The following USP36 variants were observed in gnomAD, a reference collection of about 807,000 sequenced individuals.
The protein encoded by USP36 is ubiquitin specific peptidase 36, also known as ubiquitin carboxyl-terminal hydrolase 36.
Under a neutral mutation model 111.5 loss-of-function variants are expected in USP36, and 59 were observed. That is an observed-to-expected ratio of 0.53 (90% CI 0.43 to 0.66). The LOEUF is 0.66. Among genes scored for constraint, USP36 ranks in the 30% least tolerant of loss-of-function variants. The pLI, the probability that USP36 is intolerant of heterozygous loss-of-function variation, is 0.00. For synonymous variants in USP36, 628 were observed against 581.0 expected, an observed-to-expected ratio of 1.08 and a Z score of -1.16; for missense variants, 1,488 against 1,468.0, an observed-to-expected ratio of 1.01 and a Z score of -0.22.
chr17:78,818,526 C>A, intron 10 of USP36, 141 bp downstream of exon 10: 1 of 707,952 alleles, frequency 1.4e-6, no homozygotes, highest in South Asian at 1.9e-5. Flanking sequence ...CCCTACTTCA[C>A]AATATGTGTA....
At chr17:78,828,865 T>C (rs1200622208) in intron 5 of USP36, 32 bp downstream of exon 5, 12 of 1,603,534 alleles carry the variant, frequency 7.5e-6, no homozygotes, top group Non-Finnish European at 8.5e-6. Context: ...AATAAATAAA[T>C]CACAAAAATT....
In USP36 at chr17:78,807,153, T is replaced by G. The variant is rs112843316; in HGVS notation, c.1891A>C (p.Arg631=). The G allele has an allele frequency of 7.4e-6, 12 of 1,614,202 alleles. 1 individual carries two copies. The African/African-American group carries it at 1.1e-4, about 14-fold the overall frequency. The stretch of plus-strand genomic sequence containing the variant: ...TCGCAGAGATGGGCCGCTCCACTCC[T>G]GGGGGTCTGGGGGGCCTTGGTGGAG... The part of the protein sequence containing the change: ...SDSTKAPQTP[R]SGAAHLCDSQ... Residue 631 remains arginine, a synonymous_variant, in exon 14 of 21, where the codon AGG becomes CGG. Transcript: ENST00000449938.
intron 3 of USP36, 89 bp downstream of exon 3, chr17:78,836,022 T>G: frequency 6.5e-7 from 1 of 1,539,206 alleles, no homozygotes; most frequent in Non-Finnish European, 8.8e-7. Flanking sequence ...CATTCTCTTG[T>G]TTTTCCTACT....
At chr17:78,799,597 T>C (rs2093689714) in intron 18 of USP36, 70 bp downstream of exon 18, 1 of 1,432,744 alleles carries the variant, frequency 7.0e-7, no homozygotes, top group Non-Finnish European at 9.8e-7. Context: ...CCAGGATCCA[T>C]TCCACACCCT....
intron 10 of USP36, among the ~76,000 whole-genome samples, chr17:78,817,350 C>T (rs1043946085): frequency 1.3e-5 from 2 of 152,214 alleles, no homozygotes; most frequent in African/African-American, 2.4e-5. Flanking sequence ...TTGAGAAATG[C>T]TGACCTAAGC....
chr17:78,832,796 A>G (rs772869063), intron 4 of USP36, among the ~76,000 whole-genome samples: 6 of 152,152 alleles, frequency 3.9e-5, no homozygotes, highest in Non-Finnish European at 8.8e-5. Flanking sequence ...GTCCACCCAG[A>G]ACCACCTCAA....
chr17:78,798,161 T>G lies in USP36; in HGVS notation c.*20+239A>C. 1 of 513,518 alleles carries G rather than the reference T, an allele frequency of 1.9e-6. No homozygotes were observed. Among genetic ancestry groups the G allele is most frequent in the Non-Finnish European group, 3.5e-6 (1 of 288,766 alleles). 31.8% of individuals were successfully genotyped at this position (513,518 alleles called of 1,614,324 possible). A position where few individuals can be genotyped will look rare whatever the true frequency, so the allele number is the denominator to read the frequency against. ...CCAACACACACTACACACACCCCCTTATACACACGCATCCCACACACACCC... is the reference window on the plus strand; with the variant it reads ...CCAACACACACTACACACACCCCCTGATACACACGCATCCCACACACACCC... On this transcript the variant is annotated intron_variant, in intron 20 of 20. Transcript: ENST00000449938. The surrounding 1 kb of genome is among the most constrained non-coding windows in gnomAD (Gnocchi z 5.1).
downstream of USP36, among the ~76,000 whole-genome samples, chr17:78,794,239 C>T (rs776398399): frequency 4.6e-5 from 7 of 152,360 alleles, 1 homozygote; most frequent in South Asian, 1.0e-3. Context: ...CTCCACCAGC[C>T]GCCTTTCAGG....
chr17:78,817,215 G>A (rs1275052314), intron 10 of USP36, among the ~76,000 whole-genome samples: 1 of 152,200 alleles, frequency 6.6e-6, no homozygotes, highest in African/African-American at 2.4e-5. Context: ...CGTCATCTAC[G>A]TCTGTGTAAA....
chr17:78,791,420 T>C (rs944115089), downstream of USP36, among the ~76,000 whole-genome samples: 1 of 152,180 alleles, frequency 6.6e-6, no homozygotes, highest in African/African-American at 2.4e-5. Flanking sequence ...TGCCCGGCCC[T>C]GGCCTTCTTT....
At chr17:78,790,637 T>G (rs1335990542) in intron 3 of USP36, among the ~76,000 whole-genome samples, 2 of 152,134 alleles carry the variant, frequency 1.3e-5, no homozygotes, top group Non-Finnish European at 2.9e-5. Flanking sequence ...TCCTCTCATC[T>G]CAGCCTCCTG....
At chr17:78,797,928 TC>T (rs2093654299) in intron 20 of USP36, 49 bp from the exon 21 acceptor site, 1 of 159,124 alleles carries the variant, frequency 6.3e-6, no homozygotes, top group Non-Finnish European at 1.4e-5. Context: ...GAGACCCGAA[TC>T]TTCCCACTGC....
intron 7 of USP36, 75 bp from the exon 8 acceptor site, chr17:78,821,136 C>G: frequency 2.8e-6 from 4 of 1,421,970 alleles, no homozygotes; most frequent in Non-Finnish European, 3.8e-6. Context: ...CGAGACCCAG[C>G]AGGGAGGCAG....
At chr17:78,815,923 CAT>C (rs1052189048) in intron 10 of USP36, among the ~76,000 whole-genome samples, 2 of 151,870 alleles carry the variant, frequency 1.3e-5, no homozygotes, top group African/African-American at 4.8e-5. Flanking sequence ...CATACGCACA[CAT>C]ACACACACAT....
intron 15 of USP36, among the ~76,000 whole-genome samples, chr17:78,805,553 G>A (rs1367257678): frequency 6.6e-6 from 1 of 152,054 alleles, no homozygotes; most frequent in African/African-American, 2.4e-5. Flanking sequence ...CACTCCCAGC[G>A]GCTTCCAGAC....
Position 78,797,285 on chromosome 17 carries a change from G to A in USP36, c.*615C>T, listed in dbSNP as rs949680252. The stretch of plus-strand genomic sequence containing the variant: ...CCTCTGCTCTCCAGGACAGTTGAGA[G>A]CTACTCACAAGGAAGGGGTGCACAG... On this transcript the variant is annotated 3_prime_UTR_variant, in exon 21 of 21. Coordinates refer to ENST00000449938, the MANE Select transcript of USP36 (RefSeq NM_001385174.1). 6.6e-6 allele frequency: 1 copy of A among 152,226 alleles called. No homozygotes were observed. Among genetic ancestry groups the A allele is most frequent in the Non-Finnish European group, 1.5e-5 (1 of 68,042 alleles). The allele number at this position is 152,226 out of a possible 1,614,324, so 9.4% of individuals were successfully genotyped here.
At chr17:78,806,057 C>A in intron 15 of USP36, 99 bp downstream of exon 15, 1 of 1,592,560 alleles carries the variant, frequency 6.3e-7, no homozygotes, top group Admixed American at 1.8e-5. Context: ...CTTTGTCTGT[C>A]CTGTGAGGTT....
Position 78,814,459 on chromosome 17 carries a change from G to A in USP36, c.1117C>T (p.His373Tyr). The change falls in exon 11 of 21, where the codon CAC becomes TAC. Residue 373 changes from histidine (H) to tyrosine (Y), a missense_variant. By Grantham distance (83) the His-to-Tyr change is moderately conservative. Coordinates refer to ENST00000449938, the MANE Select transcript of USP36 (RefSeq NM_001385174.1). ...VMYGLYAVLV[H>Y]SGYSCHAGHY... Reference sequence around the variant, plus strand: ...CCGGCATGGCAGCTGTAGCCCGAGTGCACCAGGACAGCATAGAGTCCATAC... The same window carrying A: ...CCGGCATGGCAGCTGTAGCCCGAGTACACCAGGACAGCATAGAGTCCATAC... 4 of 1,614,142 alleles carry A rather than the reference G, an allele frequency of 2.5e-6. No homozygotes were observed. The highest frequency in any genetic ancestry group is 1.3e-5 in the African/African-American group (1 of 75,024).
intron 4 of USP36, among the ~76,000 whole-genome samples, chr17:78,833,163 A>G (rs2068305617): frequency 6.6e-6 from 1 of 152,174 alleles, no homozygotes; most frequent in Admixed American, 6.5e-5. Flanking sequence ...AACGCCCCCA[A>G]ACAATGTGCT....
Sources: allele counts gnomAD v4.1 joint callset (sites outside exome capture counted in the v4.1 genomes callset), GRCh38; gene constraint gnomAD v4.1.1; non-coding constraint Gnocchi (gnomAD v3.1); transcripts MANE v1.5; gene names NCBI Gene and HGNC (gene_info 2026-07-23, HGNC 2026-07-21).